CPNE4: variants seen among roughly 807,000 people sequenced by gnomAD.
The protein encoded by CPNE4 is copine 4.
A neutral mutation model predicts 67.9 loss-of-function variants in CPNE4; 25 were observed. The ratio of observed to expected loss-of-function variants is 0.37; its 90% CI spans 0.27 to 0.51. CPNE4 has a LOEUF of 0.51. Ranked by LOEUF, CPNE4 falls within the 20% of genes least tolerant of loss-of-function variation. The probability of loss-of-function intolerance (pLI) is 0.93; values close to 1 mark genes in which losing one functional copy is unlikely to be tolerated. For synonymous variants in CPNE4, 242 were observed against 244.9 expected, an observed-to-expected ratio of 0.99 and a Z score of 0.11; for missense variants, 464 against 690.8, an observed-to-expected ratio of 0.67 and a Z score of 3.68.
chr3:131,670,704 A>G (rs983581242), intron 6 of CPNE4, among the ~76,000 whole-genome samples: 6 of 152,224 alleles, frequency 3.9e-5, no homozygotes, highest in African/African-American at 1.4e-4. Flanking sequence ...CTGAGGCACA[A>G]AGTTTCAGAA....
intron 6 of CPNE4, among the ~76,000 whole-genome samples, chr3:131,675,328 TTGGCC>T (rs1195828865): frequency 1.3e-5 from 2 of 152,188 alleles, no homozygotes; most frequent in African/African-American, 4.8e-5. Context: ...TTAGGTCCAT[TTGGCC>T]TATGGTGTAG....
intron 2 of CPNE4, among the ~76,000 whole-genome samples, chr3:131,772,098 G>A (rs2083182363): frequency 6.6e-6 from 1 of 152,044 alleles, no homozygotes; most frequent in Admixed American, 6.6e-5. Context: ...GTCCCAGGAG[G>A]TTTAACAGTT....
At chr3:131,968,459 T>C (rs1465758830) in intron 1 of CPNE4, among the ~76,000 whole-genome samples, 1 of 152,194 alleles carries the variant, frequency 6.6e-6, no homozygotes, top group East Asian at 1.9e-4. Flanking sequence ...AATCTCTCCA[T>C]CTGACAAAGG....
At chr3:131,564,085 GA>G (rs752402024) in intron 11 of CPNE4, 130 bp downstream of exon 11, 3 of 1,049,046 alleles carry the variant, frequency 2.9e-6, no homozygotes, top group Non-Finnish European at 4.4e-6. Flanking sequence ...AGTACAGAGG[GA>G]ATGAAACTTT....
At chr3:131,635,754 G>C (rs2107785972) in intron 7 of CPNE4, among the ~76,000 whole-genome samples, 1 of 152,300 alleles carries the variant, frequency 6.6e-6, no homozygotes, top group South Asian at 2.1e-4. Flanking sequence ...GGCAAGACTA[G>C]CTTGCAGCTC....
At chr3:131,659,125 A>G (rs1277878848) in intron 7 of CPNE4, among the ~76,000 whole-genome samples, 2 of 152,246 alleles carry the variant, frequency 1.3e-5, no homozygotes, top group Non-Finnish European at 2.9e-5. Flanking sequence ...AGAGTATCTC[A>G]TATTAAAAAT....
chr3:131,554,201 G>C (rs1311051706), intron 12 of CPNE4, among the ~76,000 whole-genome samples: 2 of 152,104 alleles, frequency 1.3e-5, no homozygotes, highest in Non-Finnish European at 2.9e-5. Flanking sequence ...TATGAAGAAA[G>C]TGGGCATTCA....
At chr3:131,666,028 C>A (rs1199848845) in intron 7 of CPNE4, among the ~76,000 whole-genome samples, 2 of 151,414 alleles carry the variant, frequency 1.3e-5, no homozygotes, top group Non-Finnish European at 2.9e-5. Flanking sequence ...TTATAAAGCT[C>A]AATGAAAAAA....
intron 2 of CPNE4, among the ~76,000 whole-genome samples, chr3:131,754,580 T>A (rs1583145064): frequency 2.0e-5 from 3 of 152,190 alleles, no homozygotes; most frequent in African/African-American, 4.8e-5. Flanking sequence ...TGGAATAGAT[T>A]CTGATTCTTT....
At chr3:131,808,957 GT>G (rs2107934205) in intron 2 of CPNE4, among the ~76,000 whole-genome samples, 1 of 152,182 alleles carries the variant, frequency 6.6e-6, no homozygotes, top group South Asian at 2.1e-4. Context: ...TGTATCTTTG[GT>G]AAAAGTAGCC....
intron 3 of CPNE4, among the ~76,000 whole-genome samples, chr3:131,721,668 T>C (rs1223592298): frequency 1.3e-5 from 2 of 152,176 alleles, no homozygotes; most frequent in Non-Finnish European, 2.9e-5. Context: ...GTGCTAGGAT[T>C]ACTGGTGTGA....
intron 7 of CPNE4, among the ~76,000 whole-genome samples, chr3:131,606,105 G>C (rs1939487185): frequency 6.6e-6 from 1 of 152,170 alleles, no homozygotes; most frequent in African/African-American, 2.4e-5. Flanking sequence ...GGAGGAAAAG[G>C]CGCTTGAAGA....
chr3:131,696,541 C>T lies in CPNE4; in HGVS notation c.507+1G>A. 6.2e-7 allele frequency: 1 copy of T among 1,613,644 alleles called. No homozygotes were observed. Among genetic ancestry groups the T allele is most frequent in the Non-Finnish European group, 8.5e-7 (1 of 1,179,612 alleles). On this transcript the variant is annotated splice_donor_variant, in intron 5 of 15. Transcript: ENST00000429747. LOFTEE classifies it high-confidence loss of function. ...AATAAGGTTAATGCCAAACGCTTTA[C>T]CTTGTCATCCAATTTCCGTGCATTG...
intron 2 of CPNE4, among the ~76,000 whole-genome samples, chr3:131,810,965 T>C (rs1249643008): frequency 2.0e-5 from 3 of 152,054 alleles, no homozygotes; most frequent in Admixed American, 6.6e-5. Flanking sequence ...CACTTATATA[T>C]GGAACCTAAA....
intron 7 of CPNE4, among the ~76,000 whole-genome samples, chr3:131,602,016 A>G (rs1939235380): frequency 6.6e-6 from 1 of 152,196 alleles, no homozygotes; most frequent in Non-Finnish European, 1.5e-5. Context: ...AAAAGTTTTT[A>G]TGTCTAAGAA....
At chr3:131,953,256 A>AAAAT (rs1560669413) in intron 1 of CPNE4, among the ~76,000 whole-genome samples, 2 of 138,216 alleles carry the variant, frequency 1.4e-5, no homozygotes, top group African/African-American at 5.1e-5. Context: ...AAAAAAAAAA[A>AAAAT]AAAAAAAAAA....
At chr3:131,671,961 T>G (rs746043034) in intron 6 of CPNE4, among the ~76,000 whole-genome samples, 2 of 152,090 alleles carry the variant, frequency 1.3e-5, no homozygotes, top group African/African-American at 4.8e-5. Flanking sequence ...ACTTCCCTCC[T>G]CCCCTACTAC....
intron 3 of CPNE4, among the ~76,000 whole-genome samples, chr3:131,709,248 T>A (rs1011570835): frequency 3.3e-5 from 5 of 152,040 alleles, no homozygotes; most frequent in African/African-American, 1.2e-4. Context: ...AGCCATTTCC[T>A]ACAAATAATG....
At chr3:131,754,310 T>C (rs2082702992) in intron 2 of CPNE4, among the ~76,000 whole-genome samples, 1 of 151,942 alleles carries the variant, frequency 6.6e-6, no homozygotes, top group African/African-American at 2.4e-5. Context: ...GTTATTTACA[T>C]TTGAATAGGA....
Sources: allele counts gnomAD v4.1 joint callset (sites outside exome capture counted in the v4.1 genomes callset), GRCh38; gene constraint gnomAD v4.1.1; transcripts MANE v1.5; gene names NCBI Gene and HGNC (gene_info 2026-07-23, HGNC 2026-07-21).